The following SPIDR variants were observed in gnomAD, a reference collection of about 807,000 sequenced individuals.
SPIDR encodes DNA repair-scaffolding protein.
A neutral mutation model predicts 104.6 loss-of-function variants in SPIDR; 93 were observed. The observed-to-expected ratio is 0.89, with a 90% CI of 0.75 to 1.06. SPIDR has a LOEUF of 1.06. SPIDR is among the 50% of genes least tolerant of loss of function. The pLI, the probability that SPIDR is intolerant of heterozygous loss-of-function variation, is 0.00. For missense variants in SPIDR, 1,154 were observed against 1,111.2 expected, an observed-to-expected ratio of 1.04 and a Z score of -0.55; for synonymous variants, 431 against 416.9, an observed-to-expected ratio of 1.03 and a Z score of -0.41.
At chr8:47,359,194 C>T (rs902528668) in intron 5 of SPIDR, among the ~76,000 whole-genome samples, 20 of 147,376 alleles carry the variant, frequency 1.4e-4, no homozygotes, top group African/African-American at 4.5e-4. Context: ...TGCAGTGAGC[C>T]GAGATTGCGC....
At chr8:47,296,806 C>T (rs2154242602) in intron 5 of SPIDR, among the ~76,000 whole-genome samples, 2 of 152,240 alleles carry the variant, frequency 1.3e-5, no homozygotes, top group South Asian at 4.2e-4. Context: ...TTAGGCATTG[C>T]ATTGAATCTG....
intron 5 of SPIDR, among the ~76,000 whole-genome samples, chr8:47,348,927 C>T (rs1554620303): frequency 6.6e-6 from 1 of 152,144 alleles, no homozygotes; most frequent in Non-Finnish European, 1.5e-5. Context: ...TTTGTTATTA[C>T]CGATATTCTG....
chr8:47,310,467 A>G (rs2043942178), intron 5 of SPIDR, among the ~76,000 whole-genome samples: 1 of 152,188 alleles, frequency 6.6e-6, no homozygotes, highest in Non-Finnish European at 1.5e-5. Flanking sequence ...GAAAATAACA[A>G]TGACAACTTT....
At chr8:47,447,036 G>A (rs1029693629) in intron 8 of SPIDR, among the ~76,000 whole-genome samples, 1 of 152,136 alleles carries the variant, frequency 6.6e-6, no homozygotes, top group African/African-American at 2.4e-5. Context: ...ACCCTCTTCA[G>A]TGACTTCAGG....
intron 10 of SPIDR, among the ~76,000 whole-genome samples, chr8:47,609,539 A>G (rs139039887): frequency 9.2e-4 from 140 of 152,284 alleles, no homozygotes; most frequent in Admixed American, 2.0e-3. Flanking sequence ...TACAGTTTGC[A>G]CTGTTACGTC....
chr8:47,705,203 G>T (rs1457596693), intron 14 of SPIDR, among the ~76,000 whole-genome samples: 1 of 152,208 alleles, frequency 6.6e-6, no homozygotes, highest in Non-Finnish European at 1.5e-5. Flanking sequence ...AGTGAAGCAG[G>T]TCATCCACCT....
At chr8:47,419,541 C>G (rs1271513844) in intron 7 of SPIDR, among the ~76,000 whole-genome samples, 1 of 152,044 alleles carries the variant, frequency 6.6e-6, no homozygotes, top group Non-Finnish European at 1.5e-5. Flanking sequence ...AGTAGTCTAT[C>G]AATTTTGTTG....
At chr8:47,514,974 C>G (rs552183876) in intron 8 of SPIDR, among the ~76,000 whole-genome samples, 8 of 152,220 alleles carry the variant, frequency 5.3e-5, no homozygotes, top group Admixed American at 1.3e-4. Flanking sequence ...TAAGGATTCA[C>G]AAAATCATAG....
At chr8:47,630,161 A>C (rs2066834474) in intron 10 of SPIDR, among the ~76,000 whole-genome samples, 1 of 152,272 alleles carries the variant, frequency 6.6e-6, no homozygotes. Flanking sequence ...TACACGTAGC[A>C]AATTGAATTT....
chr8:47,533,148 T>C (rs2086300115), intron 8 of SPIDR, among the ~76,000 whole-genome samples: 2 of 152,002 alleles, frequency 1.3e-5, no homozygotes, highest in South Asian at 4.2e-4. Flanking sequence ...AGAAAAAATA[T>C]TTAAATCAGT....
intron 8 of SPIDR, among the ~76,000 whole-genome samples, chr8:47,572,094 T>A (rs1003052776): frequency 1.3e-5 from 2 of 152,282 alleles, no homozygotes; most frequent in Admixed American, 6.5e-5. Flanking sequence ...AGAAAAAAAT[T>A]TAACTGAAAT....
Position 47,727,238 on chromosome 8 carries a change from T to C in SPIDR, c.2380T>C (p.Trp794Arg). 6.2e-7 allele frequency: 1 copy of C among 1,614,162 alleles called. No homozygotes were observed. Among genetic ancestry groups the C allele is most frequent in the Non-Finnish European group, 8.5e-7 (1 of 1,180,022 alleles). Residue 794 changes from tryptophan (W) to arginine (R), a missense_variant, in exon 17 of 20, where the codon TGG (tryptophan) becomes CGG (arginine). Transcript: ENST00000297423. Reference protein sequence around the residue: ...VGVDESTAFSWPVCDMCGNGR... With the variant: ...VGVDESTAFSRPVCDMCGNGR... ...CGTGGACGAGAGCACTGCTTTCTCA[T>C]GGCCTGTGTGTGACATGTGTGGCAA...
In SPIDR at chr8:47,545,881, T is replaced by A. The variant is rs192211517; in HGVS notation, c.1098-49930T>A. Among the ~76,000 whole-genome samples, 534 of 152,318 alleles carry A rather than the reference T, an allele frequency of 3.5e-3. 2 individuals carry two copies. Among genetic ancestry groups the A allele is most frequent in the African/African-American group, 0.012 (501 of 41,572 alleles). On this transcript the variant is annotated intron_variant, in intron 8 of 19. Transcript: ENST00000297423. ...GTCAAGTGGTTTTTCTGTACTGATT[T>A]ATGTGATCATATGATTTTTTCTTTA...
intron 8 of SPIDR, among the ~76,000 whole-genome samples, chr8:47,464,107 A>C (rs1024316583): frequency 5.2e-5 from 7 of 134,808 alleles, no homozygotes; most frequent in Admixed American, 3.3e-4. Context: ...AAAACCCTAA[A>C]GATTATACAC....
chr8:47,463,485 A>G (rs1554715043), intron 8 of SPIDR, among the ~76,000 whole-genome samples: 1 of 152,184 alleles, frequency 6.6e-6, no homozygotes, highest in Admixed American at 6.5e-5. Flanking sequence ...AATTCCTCCC[A>G]AAAATTGAAG....
At chr8:47,535,906 G>A (rs2154386404) in intron 8 of SPIDR, among the ~76,000 whole-genome samples, 1 of 152,242 alleles carries the variant, frequency 6.6e-6, no homozygotes, top group African/African-American at 2.4e-5. Context: ...TAACGTGATT[G>A]TGTATGTAGA....
At chr8:47,283,103 G>C (rs2038136507) in intron 2 of SPIDR, among the ~76,000 whole-genome samples, 1 of 152,160 alleles carries the variant, frequency 6.6e-6, no homozygotes, top group South Asian at 2.1e-4. Flanking sequence ...TGATTTACTT[G>C]CGTTGGCCTC....
chr8:47,677,855 G>A lies in SPIDR; in HGVS notation c.1685+3914G>A, dbSNP rs75988799. On this transcript the variant is annotated intron_variant, in intron 11 of 19. Transcript: ENST00000297423. ...AAATTGGTGAGATGTTATCTGTGGA[G>A]ACAAATGTAGGATTTAGAGAGAGAG... 2.8e-3 allele frequency among the ~76,000 whole-genome samples: 434 copies of A among 152,288 alleles called. 1 individual carries two copies. Among genetic ancestry groups the A allele is most frequent in the Non-Finnish European group, 5.0e-3 (342 of 68,018 alleles).
At chr8:47,405,059 A>G (rs1183273731) in intron 6 of SPIDR, among the ~76,000 whole-genome samples, 1 of 152,162 alleles carries the variant, frequency 6.6e-6, no homozygotes, top group African/African-American at 2.4e-5. Context: ...TGTTAGGGAC[A>G]TGGATGAAGC....
Sources: gnomAD v4.1 joint callset for allele counts (sites outside exome capture counted in the v4.1 genomes callset) on GRCh38, gnomAD v4.1.1 for gene constraint, MANE v1.5 for transcripts, NCBI Gene and HGNC (gene_info 2026-07-23, HGNC 2026-07-21) for gene names.